Variants in DLGAP1 observed in about 807,000 individuals in gnomAD.
DLGAP1 encodes the protein disks large-associated protein 1.
In DLGAP1, 11 loss-of-function variants were observed where a neutral mutation model predicts 90.8. That is an observed-to-expected ratio of 0.12 (90% CI 0.08 to 0.20). The LOEUF is 0.20. DLGAP1 is among the 10% of genes least tolerant of loss of function. The probability of loss-of-function intolerance (pLI) is 1.00; values close to 1 mark genes in which losing one functional copy is unlikely to be tolerated. For missense variants in DLGAP1, 1,050 were observed against 1,333.8 expected (o/e 0.79, Z 3.31); for synonymous variants, 558 against 540.7 (o/e 1.03, Z -0.44).
At chr18:3,869,428 A>T (rs1386607792) in intron 4 of DLGAP1, among the ~76,000 whole-genome samples, 1 of 152,150 alleles carries the variant, frequency 6.6e-6, no homozygotes, top group Non-Finnish European at 1.5e-5. Context: ...CGGTGACCTG[A>T]GTCTGTAGTC....
At chr18:3,787,328 A>C (rs960499164) in intron 5 of DLGAP1, among the ~76,000 whole-genome samples, 6 of 151,820 alleles carry the variant, frequency 4.0e-5, no homozygotes, top group Admixed American at 1.3e-4. Context: ...CTAAAATACA[A>C]AACTTAGCTA....
At chr18:3,742,180 T>C (rs2147698138) in intron 6 of DLGAP1, among the ~76,000 whole-genome samples, 155 bp downstream of exon 6, 1 of 152,308 alleles carries the variant, frequency 6.6e-6, no homozygotes, top group Middle Eastern at 3.4e-3. Flanking sequence ...GCTGAACCCA[T>C]GGCATGCTCT....
At position 3,499,324 on chromosome 18, in the gene DLGAP1, G is replaced by A. The variant is rs2049807302; in HGVS notation, c.2795C>T (p.Ser932Leu). The change falls in exon 13 of 13, where the codon TCG (serine) becomes TTG (leucine). Residue 932 changes from serine (S) to leucine (L), a missense_variant. Around this residue, in one of 2 missense-constraint regions of DLGAP1, gnomAD observed 565 missense variants for 879.7 expected, o/e 0.64. Coordinates refer to ENST00000315677, the MANE Select transcript of DLGAP1 (RefSeq NM_004746.4). The surrounding 1 kb of genome is among the most constrained non-coding windows in gnomAD (Gnocchi z 6.4). ...CTCCTGGCGCTGCGAGCTCTCCAGC[G>A]AGCGCTCCCGGATCAGCGGCGCGGG... Reference protein sequence around the residue: ...KGPAPLIRERSLESSQRQEAR... With the variant: ...KGPAPLIRERLLESSQRQEAR... 7 of 1,566,964 alleles carry A rather than the reference G, an allele frequency of 4.5e-6. No individual in the cohort carries two copies. The highest frequency in any genetic ancestry group is 6.1e-6 in the Non-Finnish European group (7 of 1,156,932).
At chr18:4,188,346 A>G (rs1189431714) in intron 1 of DLGAP1, among the ~76,000 whole-genome samples, 1 of 152,148 alleles carries the variant, frequency 6.6e-6, no homozygotes, top group African/African-American at 2.4e-5. Context: ...ATACATGTGC[A>G]GAATGTGCAG....
intron 3 of DLGAP1, among the ~76,000 whole-genome samples, chr18:3,942,208 A>T (rs141786242): frequency 1.2e-4 from 19 of 152,316 alleles, no homozygotes; most frequent in Non-Finnish European, 2.1e-4. Flanking sequence ...TAAGCCAGGC[A>T]CTGTGCCTAG....
At chr18:4,377,162 ACAGTTC>A (rs2082030867) in intron 1 of DLGAP1, among the ~76,000 whole-genome samples, 1 of 152,022 alleles carries the variant, frequency 6.6e-6, no homozygotes, top group Non-Finnish European at 1.5e-5. Flanking sequence ...TTGCACACAC[ACAGTTC>A]AGTCATAATG....
chr18:3,701,147 TG>T (rs2061266955), intron 7 of DLGAP1, among the ~76,000 whole-genome samples: 1 of 152,210 alleles, frequency 6.6e-6, no homozygotes, highest in Non-Finnish European at 1.5e-5. Flanking sequence ...CCCAAAGTGC[TG>T]GGACTATAGG....
chr18:3,905,004 T>A (rs991173518), intron 3 of DLGAP1, among the ~76,000 whole-genome samples: 3 of 151,548 alleles, frequency 2.0e-5, no homozygotes, highest in African/African-American at 7.3e-5. Context: ...ATTATTATTT[T>A]AATATCTATT....
At chr18:3,892,903 A>C (rs1410465469) in intron 3 of DLGAP1, among the ~76,000 whole-genome samples, 3 of 147,568 alleles carry the variant, frequency 2.0e-5, no homozygotes, top group Non-Finnish European at 4.5e-5. Flanking sequence ...AATATATATA[A>C]ATATATATAT....
At position 3,931,678 on chromosome 18, in the gene DLGAP1, A is replaced by C. The variant is rs117756545; in HGVS notation, c.-72-51538T>G. 1.4e-3 allele frequency among the ~76,000 whole-genome samples: 219 copies of C among 152,314 alleles called. 5 individuals are homozygous for C. The East Asian group carries it at 0.038, about 26-fold the overall frequency. ...TCACTTGTCCTGGCCAAAAGCATCT[A>C]AGGACATATTGCTTTCAACATCCTC... is the stretch of plus-strand genomic sequence containing the variant. On this transcript the variant is annotated intron_variant, in intron 3 of 12. Coordinates refer to ENST00000315677, the MANE Select transcript of DLGAP1 (RefSeq NM_004746.4).
chr18:3,834,397 G>A (rs1027701231), intron 4 of DLGAP1, among the ~76,000 whole-genome samples: 6 of 148,286 alleles, frequency 4.0e-5, no homozygotes, highest in African/African-American at 1.5e-4. Flanking sequence ...AGTGAATACT[G>A]TTCCCCAATA....
chr18:3,877,440 G>GTGTTTT (rs942356006), intron 4 of DLGAP1, among the ~76,000 whole-genome samples: 8 of 152,252 alleles, frequency 5.3e-5, no homozygotes, highest in Admixed American at 2.0e-4. Context: ...TTAAGTACAG[G>GTGTTTT]TGTTTTTGTT....
Position 3,887,701 on chromosome 18 carries a change from G to A in DLGAP1, c.-72-7561C>T, listed in dbSNP as rs1443643330. ...ACTTATAATAAATCCCAATTCTACA[G>A]AGATTGAGAATGATGAATGCCCAAC... On this transcript the variant is annotated intron_variant, in intron 3 of 12. Coordinates refer to ENST00000315677, the MANE Select transcript of DLGAP1 (RefSeq NM_004746.4). Among the ~76,000 whole-genome samples the A allele has an allele frequency of 1.6e-4, 24 of 152,132 alleles. 2 individuals carry two copies. The highest frequency in any genetic ancestry group is 1.6e-3 in the Admixed American group (24 of 15,284).
intron 4 of DLGAP1, among the ~76,000 whole-genome samples, chr18:3,872,036 C>G (rs2070777500): frequency 6.6e-6 from 1 of 151,932 alleles, no homozygotes; most frequent in Non-Finnish European, 1.5e-5. Flanking sequence ...CTAATATACA[C>G]AAAAGGACCC....
At chr18:4,263,057 C>T (rs2079034444) in intron 1 of DLGAP1, among the ~76,000 whole-genome samples, 1 of 152,058 alleles carries the variant, frequency 6.6e-6, no homozygotes, top group Admixed American at 6.5e-5. Context: ...CTCAAGCCTC[C>T]GGAGTAGCTG....
intron 4 of DLGAP1, among the ~76,000 whole-genome samples, chr18:3,860,385 A>G (rs1302569346): frequency 6.6e-6 from 1 of 152,216 alleles, no homozygotes; most frequent in Non-Finnish European, 1.5e-5. Flanking sequence ...TGCACCTTCC[A>G]CATGTATTAA....
At position 3,895,313 on chromosome 18, in the gene DLGAP1, ACACAC is replaced by A. The variant is rs1484688461; in HGVS notation, c.-72-15178_-72-15174del. Among the ~76,000 whole-genome samples the A allele has an allele frequency of 8.7e-5, 13 of 149,562 alleles. No homozygotes were observed. The South Asian group carries it at 1.3e-3, about 15-fold the overall frequency. On this transcript the variant is annotated intron_variant, in intron 3 of 12. Coordinates refer to ENST00000315677, the MANE Select transcript of DLGAP1 (RefSeq NM_004746.4). The stretch of plus-strand genomic sequence containing the variant: ...CACACACACACACACACACACACAC[ACACAC>A]ACATCATCATCATCATCATCATCAT...
chr18:4,355,478 A>G (rs2081489014), intron 1 of DLGAP1, among the ~76,000 whole-genome samples: 1 of 152,206 alleles, frequency 6.6e-6, no homozygotes. Flanking sequence ...AAAGGAATAG[A>G]ATAAGGGTGC....
chr18:3,694,028 C>G (rs1225018505), intron 7 of DLGAP1, among the ~76,000 whole-genome samples: 3 of 146,590 alleles, frequency 2.0e-5, no homozygotes, highest in Admixed American at 6.7e-5. Flanking sequence ...TATCCCTCCC[C>G]TAGCCACCCC....
Sources: allele counts gnomAD v4.1 joint callset (sites outside exome capture counted in the v4.1 genomes callset), GRCh38; gene constraint gnomAD v4.1.1; regional missense constraint gnomAD v4.1.1; non-coding constraint Gnocchi (gnomAD v3.1); transcripts MANE v1.5; gene names NCBI Gene and HGNC (gene_info 2026-07-23, HGNC 2026-07-21).